PIK3CB: variants seen among roughly 807,000 people sequenced by gnomAD.
PIK3CB encodes the protein phosphatidylinositol-4,5-bisphosphate 3-kinase catalytic subunit beta, also known as phosphatidylinositol 4,5-bisphosphate 3-kinase catalytic subunit beta isoform.
PIK3CB carries 39 observed loss-of-function variants against 136.8 expected under a neutral mutation model. The ratio of observed to expected loss-of-function variants is 0.29; its 90% CI spans 0.22 to 0.37. The LOEUF (loss-of-function observed/expected upper bound fraction) is 0.37, where lower values mean the gene tolerates loss of function less well. Ranked by LOEUF, PIK3CB falls within the 10% of genes least tolerant of loss-of-function variation. PIK3CB has a pLI of 1.00. For synonymous variants in PIK3CB, 428 were observed against 436.6 expected (o/e 0.98, Z 0.25); for missense variants, 868 against 1,275.4 (o/e 0.68, Z 4.87).
intron 2 of PIK3CB, among the ~76,000 whole-genome samples, chr3:138,780,218 C>T (rs1429017634): frequency 2.0e-5 from 3 of 152,094 alleles, no homozygotes; most frequent in Non-Finnish European, 4.4e-5. Flanking sequence ...CCTTGGCTTC[C>T]AAAGTGTTAG....
At chr3:138,782,399 A>T (rs1035874168) in intron 2 of PIK3CB, among the ~76,000 whole-genome samples, 14 of 152,252 alleles carry the variant, frequency 9.2e-5, no homozygotes, top group African/African-American at 3.4e-4. Flanking sequence ...TGTGCCTTTT[A>T]AATTTAATCA....
chr3:138,675,121 T>G (rs1297426314), intron 19 of PIK3CB, among the ~76,000 whole-genome samples: 1 of 151,998 alleles, frequency 6.6e-6, no homozygotes, highest in Non-Finnish European at 1.5e-5. Flanking sequence ...TATCAATAGA[T>G]AGATATTATT....
chr3:138,820,227 CT>C (rs1412454146), intron 1 of PIK3CB, among the ~76,000 whole-genome samples: 1 of 152,186 alleles, frequency 6.6e-6, no homozygotes, highest in Non-Finnish European at 1.5e-5. Context: ...AAATCGTCCC[CT>C]GCTCTCATTC....
chr3:138,790,707 G>A (rs926071799), intron 2 of PIK3CB, among the ~76,000 whole-genome samples: 6 of 151,230 alleles, frequency 4.0e-5, no homozygotes, highest in African/African-American at 9.7e-5. Flanking sequence ...CCAGCTACTC[G>A]GGAGGCTGAG....
intron 1 of PIK3CB, among the ~76,000 whole-genome samples, chr3:138,802,831 C>T (rs2046192721): frequency 6.6e-6 from 1 of 152,158 alleles, no homozygotes; most frequent in Non-Finnish European, 1.5e-5. Flanking sequence ...CCCAGTGCCT[C>T]ATACAGCACA....
chr3:138,775,979 C>A lies in PIK3CB; in HGVS notation c.-16-16620G>T, dbSNP rs1360789564. 2.0e-5 allele frequency among the ~76,000 whole-genome samples: 3 copies of A among 152,294 alleles called. No individual in the cohort carries two copies. The South Asian group carries it at 6.2e-4, about 32-fold the overall frequency. ...TTGGGAGGCTGAGGTGGGTGGATCACCTGAGGTCAGGAGTTGAAGACCAGC... is the reference window on the plus strand; with the variant it reads ...TTGGGAGGCTGAGGTGGGTGGATCAACTGAGGTCAGGAGTTGAAGACCAGC... On this transcript the variant is annotated intron_variant, in intron 2 of 23. Transcript: ENST00000674063.
intron 16 of PIK3CB, among the ~76,000 whole-genome samples, chr3:138,685,689 TGAATATAGACA>T (rs2043875753): frequency 6.6e-6 from 1 of 152,150 alleles, no homozygotes. Context: ...TAATAAAGTG[TGAATATAGACA>T]TGCTATTTGT....
At chr3:138,717,167 T>C (rs1178539782) in intron 8 of PIK3CB, among the ~76,000 whole-genome samples, 3 of 151,086 alleles carry the variant, frequency 2.0e-5, no homozygotes, top group Non-Finnish European at 4.4e-5. Context: ...GACAGGAGAA[T>C]TGCTTGAACC....
chr3:138,821,426 A>G (rs1933559636), intron 1 of PIK3CB, among the ~76,000 whole-genome samples: 1 of 152,136 alleles, frequency 6.6e-6, no homozygotes, highest in African/African-American at 2.4e-5. Context: ...TACAAATTAC[A>G]GAGATATTAG....
chr3:138,802,133 G>T lies in PIK3CB; in HGVS notation c.-121-5566C>A, dbSNP rs181655010. 3.1e-3 allele frequency among the ~76,000 whole-genome samples: 469 copies of T among 151,890 alleles called. 1 individual carries two copies. Among genetic ancestry groups the T allele is most frequent in the Middle Eastern group, 6.8e-3 (2 of 294 alleles). On this transcript the variant is annotated intron_variant, in intron 1 of 23. Coordinates refer to ENST00000674063, the MANE Select transcript of PIK3CB (RefSeq NM_006219.3). ...TCACACCTATAATCTCAGAACTTTGGGAGGTCGAGGCAGGTGGATCACTCG... is the reference window on the plus strand; with the variant it reads ...TCACACCTATAATCTCAGAACTTTGTGAGGTCGAGGCAGGTGGATCACTCG...
intron 4 of PIK3CB, among the ~76,000 whole-genome samples, chr3:138,743,674 C>T (rs572573797): frequency 6.6e-6 from 1 of 152,248 alleles, no homozygotes; most frequent in South Asian, 2.1e-4. Context: ...GCGATCCTCC[C>T]ACCTCAGCCT....
chr3:138,703,210 A>G (rs1253454439), intron 12 of PIK3CB, among the ~76,000 whole-genome samples: 2 of 152,218 alleles, frequency 1.3e-5, no homozygotes, highest in African/African-American at 4.8e-5. Context: ...ATTTAAGCCA[A>G]AAACACTAAT....
chr3:138,666,768 G>C (rs1341079654), intron 19 of PIK3CB, among the ~76,000 whole-genome samples: 7 of 152,186 alleles, frequency 4.6e-5, no homozygotes, highest in Admixed American at 4.6e-4. Context: ...CATTGTGTTA[G>C]ATCCTGGTGA....
At chr3:138,682,196 G>T in intron 18 of PIK3CB, 151 bp from the exon 19 acceptor site, 1 of 534,522 alleles carries the variant, frequency 1.9e-6, no homozygotes, top group South Asian at 3.1e-5. Flanking sequence ...ACACTCTTTG[G>T]ATAGCATGTC....
rs1004018206 is a variant in PIK3CB at position 138,778,155 on chromosome 3, T to C, written c.-17+18308A>G. On this transcript the variant is annotated intron_variant, in intron 2 of 23. Coordinates refer to ENST00000674063, the MANE Select transcript of PIK3CB (RefSeq NM_006219.3). Reference sequence around the variant, plus strand: ...CTACCTTGTAGAAGGCTGGGGCTCATTTAAAAGGAGAAACCGAAAGGGTCA... The same window carrying C: ...CTACCTTGTAGAAGGCTGGGGCTCACTTAAAAGGAGAAACCGAAAGGGTCA... 25 of 444,894 alleles carry C rather than the reference T, an allele frequency of 5.6e-5. No homozygotes were observed. The Middle Eastern group carries it at 2.2e-3, about 38-fold the overall frequency. The allele number at this position is 444,894 out of a possible 1,614,324, so 27.6% of individuals were successfully genotyped here.
chr3:138,738,264 C>G (rs1478698230), intron 5 of PIK3CB, among the ~76,000 whole-genome samples: 1 of 152,060 alleles, frequency 6.6e-6, no homozygotes, highest in Non-Finnish European at 1.5e-5. Flanking sequence ...CTCTGTCTCC[C>G]AGGTTCAAGC....
intron 19 of PIK3CB, among the ~76,000 whole-genome samples, chr3:138,666,353 G>A (rs1268369410): frequency 1.3e-5 from 2 of 151,744 alleles, no homozygotes; most frequent in Non-Finnish European, 2.9e-5. Context: ...TTATTTTTTT[G>A]TTTTTTGTAG....
Position 138,656,279 on chromosome 3 carries a change from G to C in PIK3CB, c.2943-5C>G. Reference sequence around the variant, plus strand: ...TCCTCACAACACTGGCGGAACCTTTGGGTGATGCAGCAAACCACATGAGCA... The same window carrying C: ...TCCTCACAACACTGGCGGAACCTTTCGGTGATGCAGCAAACCACATGAGCA... On this transcript the variant is annotated splice_region_variant and splice_polypyrimidine_tract_variant and intron_variant, in intron 22 of 23. Coordinates refer to ENST00000674063, the MANE Select transcript of PIK3CB (RefSeq NM_006219.3). The C allele has an allele frequency of 6.2e-7, 1 of 1,614,030 alleles. No homozygotes were observed. The highest frequency in any genetic ancestry group is 8.5e-7 in the Non-Finnish European group (1 of 1,179,972).
intron 2 of PIK3CB, among the ~76,000 whole-genome samples, chr3:138,761,226 T>G (rs1293422237): frequency 6.6e-6 from 1 of 152,176 alleles, no homozygotes; most frequent in Non-Finnish European, 1.5e-5. Context: ...AAACTGAACT[T>G]GAATCTAATC....
Sources: gnomAD v4.1 joint callset for allele counts (sites outside exome capture counted in the v4.1 genomes callset) on GRCh38, gnomAD v4.1.1 for gene constraint, MANE v1.5 for transcripts, NCBI Gene and HGNC (gene_info 2026-07-23, HGNC 2026-07-21) for gene names.